ZNF454: variants seen among roughly 807,000 people sequenced by gnomAD.
ZNF454 encodes the protein zinc finger protein 454.
A neutral mutation model predicts 48.2 loss-of-function variants in ZNF454; 30 were observed. That is an observed-to-expected ratio of 0.62 (90% CI 0.47 to 0.84). The LOEUF is 0.84. Among genes scored for constraint, ZNF454 ranks in the 40% least tolerant of loss-of-function variants. The pLI is 0.00. For synonymous variants in ZNF454, 204 were observed against 211.4 expected, an observed-to-expected ratio of 0.97 and a Z score of 0.30; for missense variants, 510 against 623.1, an observed-to-expected ratio of 0.82 and a Z score of 1.93.
downstream of ZNF454, among the ~76,000 whole-genome samples, chr5:178,967,299 TATAAGAGGTGAAAGCCC>T (rs1760178460): frequency 2.0e-5 from 3 of 152,166 alleles, no homozygotes; most frequent in Admixed American, 2.0e-4. Context: ...GTGCAATTGA[TATAAGAGGTGAAAGCCC>T]CAAGGCCAGT....
chr5:178,965,871 T>C lies in ZNF454; in HGVS notation c.1467T>C (p.Ile489=). The part of the protein sequence containing the change: ...RSTHLTQHQR[I]HTGEKPYKCN... ...CTCACCTGACTCAACATCAGAGGAT[T>C]CACACAGGAGAGAAACCCTATAAAT... is the stretch of plus-strand genomic sequence containing the variant. Residue 489 remains isoleucine (I), a synonymous_variant, in exon 5 of 5, where the codon ATT becomes ATC. Coordinates refer to ENST00000519564, the MANE Select transcript of ZNF454 (RefSeq NM_001178089.3). This position sits in a 1 kb window ranked among gnomAD's most constrained non-coding sequence, Gnocchi z 5.2. 6.2e-7 allele frequency: 1 copy of C among 1,614,088 alleles called. No homozygotes were observed. Among genetic ancestry groups the C allele is most frequent in the Non-Finnish European group, 8.5e-7 (1 of 1,180,024 alleles).
intron 4 of ZNF454, among the ~76,000 whole-genome samples, chr5:178,960,698 C>G (rs1261581813): frequency 1.3e-5 from 2 of 151,688 alleles, no homozygotes; most frequent in Admixed American, 1.3e-4. Context: ...TGTGTGCATA[C>G]AAATGAAAAT....
chr5:178,983,243 C>T, the ZNF454 span: 10 of 1,596,124 alleles, frequency 6.3e-6, no homozygotes, highest in Non-Finnish European at 8.6e-6. Context: ...AACACTGCAT[C>T]AGACACAGCA....
chr5:178,967,234 C>T (rs1186603031), downstream of ZNF454, among the ~76,000 whole-genome samples: 3 of 152,158 alleles, frequency 2.0e-5, no homozygotes, highest in Non-Finnish European at 2.9e-5. Flanking sequence ...TGATCCCACC[C>T]ACTTACGTTG....
At chr5:178,959,661 A>G (rs56740821) in intron 4 of ZNF454, among the ~76,000 whole-genome samples, 15,739 of 151,884 alleles carry the variant, frequency 0.1, 1,089 homozygotes, top group African/African-American at 0.2. Flanking sequence ...GCTGGAGTGC[A>G]GTGGCACAAT....
downstream of ZNF454, chr5:178,969,512 C>T (rs957548878): frequency 2.0e-5 from 9 of 456,968 alleles, no homozygotes; most frequent in South Asian, 4.6e-5. Context: ...TGAAGGACCA[C>T]GATTTGGGAC....
intron 1 of ZNF454, among the ~76,000 whole-genome samples, chr5:178,942,063 T>G (rs946762339): frequency 5.9e-5 from 9 of 152,138 alleles, no homozygotes; most frequent in Admixed American, 5.9e-4. Context: ...CGCTCCCACC[T>G]TTTCGGGTAC....
intron 4 of ZNF454, among the ~76,000 whole-genome samples, chr5:178,948,815 ATAAAT>A (rs560674849): frequency 4.1e-4 from 61 of 149,258 alleles, no homozygotes; most frequent in African/African-American, 1.4e-3. Flanking sequence ...TATATTTTAT[ATAAAT>A]TATTCTATGA....
At chr5:178,970,477 CCAG>C (rs1395457608), downstream of ZNF454, among the ~76,000 whole-genome samples, 1 of 152,194 alleles carries the variant, frequency 6.6e-6, no homozygotes, top group African/African-American at 2.4e-5. Flanking sequence ...TTTGCAGGTG[CCAG>C]CACTGGGTGG....
At chr5:178,985,667 C>T in the ZNF454 span, 129 of 399,360 alleles carry the variant, frequency 3.2e-4, 1 homozygote, top group South Asian at 2.6e-4. Flanking sequence ...AGTGCCACTG[C>T]ACTCCAGCCT....
the ZNF454 span, chr5:178,985,703 A>C: frequency 2.2e-4 from 84 of 389,818 alleles, no homozygotes; most frequent in Admixed American, 1.7e-3. Flanking sequence ...ACTCTGTCTA[A>C]AAAAAAAAAA....
chr5:178,967,662 C>T (rs1248749270), downstream of ZNF454, among the ~76,000 whole-genome samples: 1 of 151,726 alleles, frequency 6.6e-6, no homozygotes, highest in Non-Finnish European at 1.5e-5. Flanking sequence ...GGGCCATGTC[C>T]GTGTTCAAAA....
the ZNF454 span, among the ~76,000 whole-genome samples, chr5:178,977,729 C>T: frequency 1.3e-5 from 2 of 151,980 alleles, no homozygotes; most frequent in Admixed American, 6.6e-5. Flanking sequence ...GCCACCATGC[C>T]CAGCTAATTT....
intron 4 of ZNF454, among the ~76,000 whole-genome samples, chr5:178,960,052 C>T (rs575163177): frequency 9.4e-5 from 14 of 148,746 alleles, no homozygotes; most frequent in Non-Finnish European, 1.5e-4. Flanking sequence ...GGGCTTATGG[C>T]GATCCTCCCA....
the ZNF454 span, among the ~76,000 whole-genome samples, chr5:178,971,949 T>G: frequency 6.6e-6 from 1 of 152,138 alleles, no homozygotes; most frequent in Admixed American, 6.5e-5. Context: ...TTGTTTGTTT[T>G]TTGAGATGGA....
At chr5:178,974,111 T>C in the ZNF454 span, among the ~76,000 whole-genome samples, 2 of 152,096 alleles carry the variant, frequency 1.3e-5, no homozygotes, top group Non-Finnish European at 2.9e-5. Flanking sequence ...TGCCTGAAGT[T>C]AGAGAGAAAC....
the ZNF454 span, chr5:178,983,090 G>C: frequency 6.2e-7 from 1 of 1,614,034 alleles, no homozygotes. Flanking sequence ...CCAGGCAGCC[G>C]ATGAGAGACA....
At chr5:178,982,692 T>TA in the ZNF454 span, 152,901 of 427,216 alleles carry the variant, frequency 0.36, 16,086 homozygotes, top group African/African-American at 0.44. Flanking sequence ...ATGAAAATGA[T>TA]AAAAAAAAAA....
At chr5:178,958,730 C>T (rs891969422) in intron 4 of ZNF454, among the ~76,000 whole-genome samples, 4 of 152,204 alleles carry the variant, frequency 2.6e-5, no homozygotes, top group African/African-American at 4.8e-5. Context: ...CTCTTATACA[C>T]GTAGTATTAT....
Sources: gnomAD v4.1 joint callset for allele counts (sites outside exome capture counted in the v4.1 genomes callset) on GRCh38, gnomAD v4.1.1 for gene constraint, Gnocchi (gnomAD v3.1) non-coding constraint, MANE v1.5 for transcripts, NCBI Gene and HGNC (gene_info 2026-07-23, HGNC 2026-07-21) for gene names.